Variants in PRKN observed in about 807,000 individuals in gnomAD.
PRKN encodes E3 ubiquitin-protein ligase parkin.
A neutral mutation model predicts 59.5 loss-of-function variants in PRKN; 56 were observed. The observed-to-expected ratio is 0.94, with a 90% CI of 0.76 to 1.18. The LOEUF (loss-of-function observed/expected upper bound fraction) is 1.18, where lower values mean the gene tolerates loss of function less well. PRKN is among the 50% of genes most tolerant of loss of function. The pLI is 0.00. For synonymous variants in PRKN, 250 were observed against 222.1 expected (o/e 1.13, Z -1.12); for missense variants, 657 against 596.4 (o/e 1.10, Z -1.06).
chr6:161,985,772 C>T (rs1781412337), intron 5 of PRKN, among the ~76,000 whole-genome samples: 1 of 152,154 alleles, frequency 6.6e-6, no homozygotes, highest in South Asian at 2.1e-4. Flanking sequence ...CACTGCCTCC[C>T]ACCTCACCTG....
chr6:161,956,312 C>T (rs764471943), intron 6 of PRKN, among the ~76,000 whole-genome samples: 1 of 152,120 alleles, frequency 6.6e-6, no homozygotes, highest in Non-Finnish European at 1.5e-5. Context: ...TCCTTGAGCA[C>T]CACTGAGCCA....
chr6:162,122,470 G>C (rs952116153), intron 4 of PRKN, among the ~76,000 whole-genome samples: 7 of 152,138 alleles, frequency 4.6e-5, no homozygotes, highest in African/African-American at 1.7e-4. Flanking sequence ...CTTGTTTCTA[G>C]AAAAATCATT....
At chr6:161,783,603 AGAT>A in intron 7 of PRKN, 1 of 489,944 alleles carries the variant, frequency 2.0e-6, no homozygotes, top group Non-Finnish European at 3.9e-6. Context: ...ATAACTAAAA[AGAT>A]AGAGTGTGAA....
chr6:161,583,027 CAT>C (rs1781401433), intron 7 of PRKN, among the ~76,000 whole-genome samples: 3 of 142,082 alleles, frequency 2.1e-5, no homozygotes, highest in Non-Finnish European at 4.6e-5. Flanking sequence ...CACACATACA[CAT>C]TTTGTAAGAT....
At chr6:162,723,856 C>T (rs928724298) in intron 1 of PRKN, among the ~76,000 whole-genome samples, 1 of 152,134 alleles carries the variant, frequency 6.6e-6, no homozygotes. Flanking sequence ...AGGCAGGAAT[C>T]GCTGTGGAGT....
chr6:161,464,494 T>C (rs1441257394), intron 9 of PRKN, among the ~76,000 whole-genome samples: 4 of 152,226 alleles, frequency 2.6e-5, no homozygotes, highest in Non-Finnish European at 5.9e-5. Flanking sequence ...TTTGATGAGT[T>C]TTGGCAATAT....
chr6:162,694,775 T>A (rs1202419599), intron 1 of PRKN: 3 of 152,218 alleles, frequency 2.0e-5, no homozygotes, highest in Non-Finnish European at 1.5e-5. Flanking sequence ...TATTCAACAG[T>A]TAGAGTTTTC....
intron 3 of PRKN, among the ~76,000 whole-genome samples, chr6:162,236,326 T>C (rs2128088827): frequency 1.3e-5 from 2 of 152,246 alleles, no homozygotes; most frequent in South Asian, 4.1e-4. Context: ...TTGGTGAAGG[T>C]TCTCTCTATC....
chr6:161,350,052 G>T lies in PRKN; in HGVS notation c.*47C>A. 2.6e-6 allele frequency: 3 copies of T among 1,151,806 alleles called. No individual in the cohort carries two copies. Among genetic ancestry groups the T allele is most frequent in the South Asian group, 1.2e-5 (1 of 80,994 alleles). 71.3% of individuals were successfully genotyped at this position (1,151,806 alleles called of 1,614,324 possible). On this transcript the variant is annotated 3_prime_UTR_variant, in exon 12 of 12. Coordinates refer to ENST00000366898, the MANE Select transcript of PRKN (RefSeq NM_004562.3). ...GAATTAGAAAATGAAGGTAGACACTGGGTATGCTCCCCCAGGATGTGGCGA... is the reference window on the plus strand; with the variant it reads ...GAATTAGAAAATGAAGGTAGACACTTGGTATGCTCCCCCAGGATGTGGCGA...
chr6:162,344,921 T>C (rs759654189), intron 2 of PRKN, among the ~76,000 whole-genome samples: 10 of 152,202 alleles, frequency 6.6e-5, no homozygotes, highest in Non-Finnish European at 1.2e-4. Context: ...TTTAACAAAA[T>C]GCTTCCATGG....
At position 161,575,757 on chromosome 6, in the gene PRKN, C is replaced by T. The variant is rs1371040775; in HGVS notation, c.872-6341G>A. On this transcript the variant is annotated intron_variant, in intron 7 of 11. Coordinates refer to ENST00000366898, the MANE Select transcript of PRKN (RefSeq NM_004562.3). The surrounding 1 kb of genome is among the most constrained non-coding windows in gnomAD (Gnocchi z 4.6). ...ATTTGCAGATTGCTGCTGTTTGGTG[C>T]GAAACGCTTTGAGGATTAATTTCTC... Among the ~76,000 whole-genome samples, 5 of 152,232 alleles carry T rather than the reference C, an allele frequency of 3.3e-5. No homozygotes were observed. Among genetic ancestry groups the T allele is most frequent in the Admixed American group, 2.0e-4 (3 of 15,290 alleles).
At chr6:162,173,823 G>T (rs1341052542) in intron 4 of PRKN, among the ~76,000 whole-genome samples, 1 of 152,176 alleles carries the variant, frequency 6.6e-6, no homozygotes, top group Non-Finnish European at 1.5e-5. Context: ...ACTTTATAGG[G>T]TTATTGTGAG....
At chr6:162,589,659 C>G (rs1781223343) in intron 1 of PRKN, among the ~76,000 whole-genome samples, 1 of 152,060 alleles carries the variant, frequency 6.6e-6, no homozygotes, top group South Asian at 2.1e-4. Context: ...CTAAGCCTTC[C>G]CAGATACTCA....
intron 1 of PRKN, among the ~76,000 whole-genome samples, chr6:162,480,488 A>G (rs1244232788): frequency 6.7e-6 from 1 of 148,968 alleles, no homozygotes; most frequent in East Asian, 1.9e-4. Flanking sequence ...AAAAACTTAC[A>G]TGGGAAAAAG....
chr6:162,105,460 G>A (rs1001609633), intron 4 of PRKN, among the ~76,000 whole-genome samples: 2 of 152,182 alleles, frequency 1.3e-5, no homozygotes, highest in Non-Finnish European at 2.9e-5. Flanking sequence ...AGAGTGCAAT[G>A]GCGCGATTTC....
intron 1 of PRKN, among the ~76,000 whole-genome samples, chr6:162,662,581 C>T (rs964090066): frequency 1.3e-5 from 2 of 152,012 alleles, no homozygotes; most frequent in African/African-American, 4.8e-5. Flanking sequence ...TTCAATCAAC[C>T]TTGAGTTAAT....
In PRKN at chr6:161,973,995, G is replaced by A. The variant is rs991835845; in HGVS notation, c.619-578C>T. Reference sequence around the variant, plus strand: ...CAGAAGTGCAGCAGAGGCCCGGCGCGTTGGCTCGCGCCTGTAATCCCAGCA... The same window carrying A: ...CAGAAGTGCAGCAGAGGCCCGGCGCATTGGCTCGCGCCTGTAATCCCAGCA... On this transcript the variant is annotated intron_variant, in intron 5 of 11. Coordinates refer to ENST00000366898, the MANE Select transcript of PRKN (RefSeq NM_004562.3). Among the ~76,000 whole-genome samples the A allele has an allele frequency of 3.9e-5, 6 of 152,232 alleles. No individual in the cohort carries two copies. In the South Asian group the frequency reaches 8.3e-4, roughly 21 times the overall value.
chr6:162,646,164 A>G (rs1001789618), intron 1 of PRKN, among the ~76,000 whole-genome samples: 47 of 151,868 alleles, frequency 3.1e-4, no homozygotes, highest in Admixed American at 1.3e-3. Flanking sequence ...GAGCCACCAC[A>G]CCCGGCCTAA....
chr6:161,979,283 AT>A (rs1290169986), intron 5 of PRKN, among the ~76,000 whole-genome samples: 1 of 151,842 alleles, frequency 6.6e-6, no homozygotes, highest in Non-Finnish European at 1.5e-5. Flanking sequence ...AACTTTATTT[AT>A]TTTTTTGAGA....
Sources: allele counts gnomAD v4.1 joint callset (sites outside exome capture counted in the v4.1 genomes callset), GRCh38; gene constraint gnomAD v4.1.1; non-coding constraint Gnocchi (gnomAD v3.1); transcripts MANE v1.5; gene names NCBI Gene and HGNC (gene_info 2026-07-23, HGNC 2026-07-21).